CSMD3: variants seen among roughly 807,000 people sequenced by gnomAD.
CSMD3 encodes the protein CUB and sushi domain-containing protein 3.
Under a neutral mutation model 435.2 loss-of-function variants are expected in CSMD3, and 177 were observed. That is an observed-to-expected ratio of 0.41 (90% CI 0.36 to 0.46). The LOEUF (loss-of-function observed/expected upper bound fraction) is 0.46. Among genes scored for constraint, CSMD3 ranks in the 20% least tolerant of loss-of-function variants. The probability of loss-of-function intolerance (pLI) is 0.34; values close to 1 mark genes in which losing one functional copy is unlikely to be tolerated. For missense variants in CSMD3, 4,265 were observed against 4,504.6 expected (o/e 0.95, Z 1.52); for synonymous variants, 1,656 against 1,520.5 (o/e 1.09, Z -2.07).
Position 113,200,077 on chromosome 8 carries a change from G to A in CSMD3, c.515-26161C>T, listed in dbSNP as rs191188148. Among the ~76,000 whole-genome samples the A allele has an allele frequency of 3.0e-3, 460 of 151,930 alleles. 3 individuals carry two copies. The highest frequency in any genetic ancestry group is 5.1e-3 in the Admixed American group (78 of 15,182). On this transcript the variant is annotated intron_variant, in intron 3 of 70. Transcript: ENST00000297405. Reference sequence around the variant, plus strand: ...GCCTCATGGGAATCTCAAATTTCACGTATCCAAAATGGGCTTCATGCTTTT... The same window carrying A: ...GCCTCATGGGAATCTCAAATTTCACATATCCAAAATGGGCTTCATGCTTTT...
At chr8:112,976,618 A>T (rs938121511) in intron 6 of CSMD3, among the ~76,000 whole-genome samples, 1 of 152,102 alleles carries the variant, frequency 6.6e-6, no homozygotes, top group African/African-American at 2.4e-5. Context: ...CAAGTGAAGA[A>T]AAGAGAATTT....
chr8:112,837,952 A>C (rs566958789), intron 11 of CSMD3, among the ~76,000 whole-genome samples: 45 of 151,834 alleles, frequency 3.0e-4, no homozygotes, highest in South Asian at 6.2e-4. Context: ...CATCTAATTA[A>C]AGCACTTCTT....
At chr8:113,359,530 T>C (rs561384890) in intron 1 of CSMD3, among the ~76,000 whole-genome samples, 15 of 152,166 alleles carry the variant, frequency 9.9e-5, no homozygotes, top group Non-Finnish European at 1.6e-4. Flanking sequence ...TGGAGGCAGC[T>C]ACAGCTTCAG....
chr8:112,414,204 T>C (rs1441256607), intron 32 of CSMD3, among the ~76,000 whole-genome samples: 1 of 152,222 alleles, frequency 6.6e-6, no homozygotes, highest in Non-Finnish European at 1.5e-5. Flanking sequence ...AATAGTCTAT[T>C]TGATACAGTT....
At chr8:112,506,877 T>G (rs1822586802) in intron 28 of CSMD3, 48 bp from the exon 29 acceptor site, 3 of 1,510,176 alleles carry the variant, frequency 2.0e-6, no homozygotes, top group East Asian at 2.4e-5. Flanking sequence ...TTAATACAAT[T>G]TATTAGCTAT....
chr8:112,700,329 C>T (rs1202522568), intron 13 of CSMD3, among the ~76,000 whole-genome samples: 2 of 151,688 alleles, frequency 1.3e-5, no homozygotes, highest in Non-Finnish European at 2.9e-5. Flanking sequence ...GGAGAAACCC[C>T]GTCTCTTCTA....
intron 27 of CSMD3, among the ~76,000 whole-genome samples, chr8:112,549,387 T>C (rs1827476151): frequency 2.0e-5 from 3 of 152,126 alleles, no homozygotes; most frequent in South Asian, 4.1e-4. Context: ...AAATATATAT[T>C]TAAAGTGCAA....
intron 1 of CSMD3, among the ~76,000 whole-genome samples, chr8:113,353,581 G>A (rs1208429980): frequency 6.6e-6 from 1 of 152,022 alleles, no homozygotes; most frequent in African/African-American, 2.4e-5. Context: ...TTTAAATCTG[G>A]TATTATTCTA....
chr8:113,231,684 A>C (rs1240375207), intron 3 of CSMD3, among the ~76,000 whole-genome samples: 1 of 151,518 alleles, frequency 6.6e-6, no homozygotes, highest in Non-Finnish European at 1.5e-5. Context: ...TTCTTCATAT[A>C]TTGTACTTTC....
At chr8:113,268,319 G>C (rs1487666614) in intron 3 of CSMD3, among the ~76,000 whole-genome samples, 3 of 151,480 alleles carry the variant, frequency 2.0e-5, no homozygotes, top group Non-Finnish European at 4.4e-5. Context: ...CTTAGTATAA[G>C]TTAATATTTT....
chr8:112,885,107 G>A (rs946454673), intron 10 of CSMD3, among the ~76,000 whole-genome samples: 6 of 151,638 alleles, frequency 4.0e-5, no homozygotes, highest in African/African-American at 1.5e-4. Flanking sequence ...TTGGTATACT[G>A]TGAGCCTCTT....
At chr8:112,524,702 T>G (rs1480215531) in intron 27 of CSMD3, among the ~76,000 whole-genome samples, 1 of 151,982 alleles carries the variant, frequency 6.6e-6, no homozygotes, top group Non-Finnish European at 1.5e-5. Context: ...TTAAAATATG[T>G]ATTGAGTAAC....
chr8:112,892,440 G>A (rs1223401880), intron 10 of CSMD3, among the ~76,000 whole-genome samples: 2 of 151,330 alleles, frequency 1.3e-5, no homozygotes, highest in African/African-American at 4.8e-5. Flanking sequence ...ATTATGCCTT[G>A]TTGAAAAATA....
intron 31 of CSMD3, among the ~76,000 whole-genome samples, chr8:112,484,127 C>G (rs75248204): frequency 0.012 from 1,779 of 152,232 alleles, 30 homozygotes; most frequent in African/African-American, 0.041. Context: ...CTCATCTTCT[C>G]CTTTCCGTTA....
chr8:112,787,713 C>T (rs1313198541), intron 13 of CSMD3, among the ~76,000 whole-genome samples: 1 of 152,062 alleles, frequency 6.6e-6, no homozygotes, highest in Non-Finnish European at 1.5e-5. Flanking sequence ...CACATTCTCA[C>T]TCATTTGTGG....
chr8:112,360,613 AT>A (rs1271554504), intron 38 of CSMD3, among the ~76,000 whole-genome samples: 1 of 151,830 alleles, frequency 6.6e-6, no homozygotes, highest in Non-Finnish European at 1.5e-5. Context: ...CATTCCTTGT[AT>A]TTTCCTGCAT....
intron 55 of CSMD3, 80 bp downstream of exon 55, chr8:112,292,457 A>G (rs1819859805): frequency 1.4e-6 from 2 of 1,422,832 alleles, no homozygotes; most frequent in East Asian, 2.3e-5. Context: ...TATTCTGCTC[A>G]AGCTGTTTTA....
intron 5 of CSMD3, among the ~76,000 whole-genome samples, chr8:113,078,568 ACTTAT>A (rs1255408874): frequency 2.0e-5 from 3 of 152,140 alleles, no homozygotes; most frequent in East Asian, 3.9e-4. Flanking sequence ...CTTTATTTGG[ACTTAT>A]CTTAGTCATT....
chr8:113,329,694 T>C (rs538964134), intron 1 of CSMD3, among the ~76,000 whole-genome samples: 32 of 134,628 alleles, frequency 2.4e-4, no homozygotes, highest in Admixed American at 3.6e-4. Context: ...AGTGAAACTG[T>C]TGAAAGACAA....
Sources: gnomAD v4.1 joint callset for allele counts (sites outside exome capture counted in the v4.1 genomes callset) on GRCh38, gnomAD v4.1.1 for gene constraint, MANE v1.5 for transcripts, NCBI Gene and HGNC (gene_info 2026-07-23, HGNC 2026-07-21) for gene names.